IL36G: variants seen among roughly 807,000 people sequenced by gnomAD.
The protein encoded by IL36G is interleukin 36 gamma, also known as interleukin-36 gamma.
In IL36G, 10 loss-of-function variants were observed where a neutral mutation model predicts 13.5. That is an observed-to-expected ratio of 0.74 (90% CI 0.46 to 1.26). The LOEUF is 1.26. Among genes scored for constraint, IL36G ranks in the 50% most tolerant of loss-of-function variants. The pLI is 0.00. For synonymous variants in IL36G, 84 were observed against 74.0 expected, an observed-to-expected ratio of 1.13 and a Z score of -0.69; for missense variants, 199 against 203.0, an observed-to-expected ratio of 0.98 and a Z score of 0.12.
chr2:112,979,255 G>C lies in IL36G; in HGVS notation c.90G>C (p.Leu30Phe). 2.5e-6 allele frequency: 4 copies of C among 1,612,696 alleles called. No homozygotes were observed. The highest frequency in any genetic ancestry group is 3.4e-6 in the Non-Finnish European group (4 of 1,178,748). Residue 30 changes from leucine to phenylalanine, a missense_variant, in exon 3 of 5, where the codon TTG (leucine) becomes TTC (phenylalanine). Transcript: ENST00000259205. ...CTATTACTGGGACTATTAATGATTT[G>C]AATCAGCAAGTGTGGACCCTTCAGG... is the stretch of plus-strand genomic sequence containing the variant. ...CKPITGTINDLNQQVWTLQGQ... is the reference protein window; with the variant it reads ...CKPITGTINDFNQQVWTLQGQ...
chr2:112,984,345 C>T (rs1032685134), intron 4 of IL36G, among the ~76,000 whole-genome samples: 3 of 152,058 alleles, frequency 2.0e-5, no homozygotes, highest in African/African-American at 7.2e-5. Context: ...GATACAAATC[C>T]TTTGATTTGT....
Position 112,979,223 on chromosome 2 carries a change from T to C in IL36G, c.58T>C (p.Cys20Arg). 1 of 1,589,452 alleles carries C rather than the reference T, an allele frequency of 6.3e-7. No individual in the cohort carries two copies. The stretch of plus-strand genomic sequence containing the variant: ...TTTTTTCTCTATCCCAAAATCAGTG[T>C]GTAAACCTATTACTGGGACTATTAA... ...GGGRAVYQSMCKPITGTINDL... is the reference protein window; with the variant it reads ...GGGRAVYQSMRKPITGTINDL... The change falls in exon 3 of 5, where the codon TGT becomes CGT. Residue 20 changes from cysteine (C) to arginine (R), a missense_variant and splice_region_variant. Transcript: ENST00000259205.
intron 4 of IL36G, 91 bp downstream of exon 4, chr2:112,980,239 C>G: frequency 9.3e-7 from 1 of 1,075,274 alleles, no homozygotes; most frequent in African/African-American, 1.6e-5. Flanking sequence ...GAAATAGTCT[C>G]ATCTTCCTAA....
At chr2:112,978,523 C>T (rs1684204015) in intron 1 of IL36G, 97 bp from the exon 2 acceptor site, 1 of 979,802 alleles carries the variant, frequency 1.0e-6, no homozygotes, top group East Asian at 2.4e-5. Flanking sequence ...CCAGGTTTCC[C>T]AGCTCCCTGT....
In IL36G at chr2:112,979,273, C is replaced by A. The variant is rs148181448; in HGVS notation, c.108C>A (p.Thr36=). ...TINDLNQQVW[T]LQGQNLVAVP... is the part of the protein sequence containing the mutation. ...ATGATTTGAATCAGCAAGTGTGGAC[C>A]CTTCAGGGTCAGAACCTTGTGGCAG... Residue 36 remains threonine (T), a synonymous_variant, in exon 3 of 5, where the codon ACC becomes ACA. Transcript: ENST00000259205. 40 of 1,613,470 alleles carry A rather than the reference C, an allele frequency of 2.5e-5. No homozygotes were observed. The African/African-American group carries it at 4.7e-4, about 19-fold the overall frequency.
intron 4 of IL36G, among the ~76,000 whole-genome samples, chr2:112,982,134 A>G (rs777807546): frequency 7.9e-5 from 12 of 152,232 alleles, no homozygotes; most frequent in Non-Finnish European, 1.6e-4. Context: ...TACCTCTCCT[A>G]GAAAAATAAA....
chr2:112,981,567 G>T, intron 4 of IL36G: 2 of 379,180 alleles, frequency 5.3e-6, no homozygotes, highest in South Asian at 3.9e-5. Context: ...ATATATTCTT[G>T]GCCATCATTT....
chr2:112,983,910 G>T (rs1158602945), intron 4 of IL36G, among the ~76,000 whole-genome samples: 1 of 152,156 alleles, frequency 6.6e-6, no homozygotes, highest in Non-Finnish European at 1.5e-5. Context: ...GAGAGTGATG[G>T]CCTGGATTGG....
At chr2:112,980,199 G>T (rs1441445876) in intron 4 of IL36G, 51 bp downstream of exon 4, 2 of 1,440,914 alleles carry the variant, frequency 1.4e-6, no homozygotes, top group Admixed American at 2.0e-5. Context: ...AGAAGTGTTT[G>T]GTTGAATACC....
At chr2:112,984,452 G>A (rs1300830681) in intron 4 of IL36G, among the ~76,000 whole-genome samples, 1 of 152,122 alleles carries the variant, frequency 6.6e-6, no homozygotes, top group Non-Finnish European at 1.5e-5. Context: ...CCTTTGTCAC[G>A]CCGGTGGTTC....
chr2:112,982,253 G>T (rs1022158623), intron 4 of IL36G, among the ~76,000 whole-genome samples: 1 of 152,230 alleles, frequency 6.6e-6, no homozygotes, highest in Non-Finnish European at 1.5e-5. Flanking sequence ...GATGTTAGCA[G>T]GGAGTAGAAA....
intron 4 of IL36G, among the ~76,000 whole-genome samples, chr2:112,984,398 T>C (rs1684316292): frequency 6.6e-6 from 1 of 152,240 alleles, no homozygotes; most frequent in Non-Finnish European, 1.5e-5. Context: ...ATCTTTCTCA[T>C]ATATGTGGCA....
chr2:112,979,439 A>G, intron 3 of IL36G, 114 bp downstream of exon 3: 1 of 632,836 alleles, frequency 1.6e-6, no homozygotes, highest in South Asian at 2.0e-5. Flanking sequence ...AGTGGGGAGA[A>G]TTTCACACCT....
intron 2 of IL36G, 45 bp downstream of exon 2, chr2:112,978,738 T>A: frequency 6.4e-7 from 1 of 1,571,364 alleles, no homozygotes; most frequent in Non-Finnish European, 8.8e-7. Flanking sequence ...GCTTAGGCCC[T>A]CTGCACTCAC....
intron 4 of IL36G, among the ~76,000 whole-genome samples, chr2:112,982,254 G>A (rs541440124): frequency 6.6e-6 from 1 of 152,342 alleles, no homozygotes; most frequent in East Asian, 1.9e-4. Flanking sequence ...ATGTTAGCAG[G>A]GAGTAGAAAG....
chr2:112,979,505 A>G (rs1684225540), intron 3 of IL36G, among the ~76,000 whole-genome samples, 180 bp downstream of exon 3: 1 of 152,178 alleles, frequency 6.6e-6, no homozygotes, highest in Non-Finnish European at 1.5e-5. Context: ...AAGAAGCCAG[A>G]GATGGTGGAG....
chr2:112,980,965 C>T (rs143748692), intron 4 of IL36G, among the ~76,000 whole-genome samples: 2 of 152,358 alleles, frequency 1.3e-5, no homozygotes, highest in African/African-American at 2.4e-5. Context: ...TTCCCCACAT[C>T]GATCCAGCTT....
chr2:112,981,751 C>T (rs1170775070), intron 4 of IL36G, among the ~76,000 whole-genome samples: 1 of 152,168 alleles, frequency 6.6e-6, no homozygotes, highest in Non-Finnish European at 1.5e-5. Flanking sequence ...TCTTGCTTTG[C>T]TCTGCCAGCT....
chr2:112,978,495 C>T, intron 1 of IL36G, 125 bp from the exon 2 acceptor site: 1 of 733,290 alleles, frequency 1.4e-6, no homozygotes, highest in East Asian at 2.6e-5. Context: ...GAACTTCTGC[C>T]CAGAGCTTCG....
Sources: allele counts gnomAD v4.1 joint callset (sites outside exome capture counted in the v4.1 genomes callset), GRCh38; gene constraint gnomAD v4.1.1; transcripts MANE v1.5; gene names NCBI Gene and HGNC (gene_info 2026-07-23, HGNC 2026-07-21).